The following ZFP36L1 variants were observed in gnomAD, a reference collection of about 807,000 sequenced individuals.
ZFP36L1 encodes the protein ZFP36 like 1 zinc finger CCCH-type.
In ZFP36L1, 4 loss-of-function variants were observed where a neutral mutation model predicts 16.7. The observed-to-expected ratio is 0.24, with a 90% confidence interval of 0.12 to 0.55. The LOEUF (loss-of-function observed/expected upper bound fraction) is 0.55. ZFP36L1 is among the 20% of genes least tolerant of loss of function. The probability of loss-of-function intolerance (pLI) is 0.94; values close to 1 mark genes in which losing one functional copy is unlikely to be tolerated. For missense variants in ZFP36L1, 311 were observed against 449.2 expected (o/e 0.69, Z 2.78); for synonymous variants, 220 against 190.8 (o/e 1.15, Z -1.26).
Position 68,789,706 on chromosome 14 carries a change from T to G in ZFP36L1, c.844A>C (p.Met282Leu), listed in dbSNP as rs529187831. The G allele has an allele frequency of 6.2e-7, 1 of 1,613,928 alleles. No homozygotes were observed. The highest frequency in any genetic ancestry group is 1.3e-5 in the African/African-American group (1 of 74,982). ...TCAAACATGTGAGGGGACTCGGACA[T>G]GGGCCGGAAGAGGAAGGTGGTCGGG... ...GSPTTFLFRP[M>L]SESPHMFDSP... Residue 282 changes from methionine (M) to leucine (L), a missense_variant, in exon 2 of 2, where the codon ATG becomes CTG. Coordinates refer to ENST00000439696, the MANE Select transcript of ZFP36L1 (RefSeq NM_004926.4). This position sits in a 1 kb window ranked among gnomAD's most constrained non-coding sequence, Gnocchi z 4.5.
intron 1 of ZFP36L1, chr14:68,791,133 C>T: frequency 1.4e-6 from 1 of 694,830 alleles, no homozygotes; most frequent in Non-Finnish European, 2.6e-6. Flanking sequence ...GAAAATAAAA[C>T]TCTTTGCCCT....
At chr14:68,796,228 G>A (rs1410219229), upstream of ZFP36L1, 7 of 1,366,796 alleles carry the variant, frequency 5.1e-6, no homozygotes, top group Admixed American at 3.8e-5. Context: ...TGGGATGTTC[G>A]GTTTTGTGCA....
Position 68,787,750 on chromosome 14 carries a change from G to GAA in ZFP36L1, c.*1781_*1782dup, listed in dbSNP as rs1304488062. 1.3e-5 allele frequency: 2 copies of GAA among 152,170 alleles called. No homozygotes were observed. Among genetic ancestry groups the GAA allele is most frequent in the Admixed American group, 1.3e-4 (2 of 15,240 alleles). The allele number at this position is 152,170 out of a possible 1,614,324, so 9.4% of individuals were successfully genotyped here. On this transcript the variant is annotated 3_prime_UTR_variant, in exon 2 of 2. Coordinates refer to ENST00000439696, the MANE Select transcript of ZFP36L1 (RefSeq NM_004926.4). ...TTTCTTTTAAATAAATTCACACAAA[G>GAA]AAAGAGAAATAGAAAGCGACGGTAG...
Position 68,790,398 on chromosome 14 carries a change from C to T in ZFP36L1, c.152G>A (p.Arg51Gln). 6.2e-7 allele frequency: 1 copy of T among 1,613,808 alleles called. No homozygotes were observed. Among genetic ancestry groups the T allele is most frequent in the Non-Finnish European group, 8.5e-7 (1 of 1,179,902 alleles). Reference protein sequence around the residue: ...VGTPAGGGFPRRHSVTLPSSK... With the variant: ...VGTPAGGGFPQRHSVTLPSSK... Reference sequence around the variant, plus strand: ...GCTGGGCAGGGTGACTGAGTGCCTCCGAGGGAAGCCCCCACCAGCAGGGGT... The same window carrying T: ...GCTGGGCAGGGTGACTGAGTGCCTCTGAGGGAAGCCCCCACCAGCAGGGGT... Residue 51 changes from arginine (R) to glutamine (Q), a missense_variant, in exon 2 of 2, where the codon CGG becomes CAG. This residue lies in a region of ZFP36L1 where 137 missense variants were observed against 142.6 expected (regional missense o/e 0.96). Coordinates refer to ENST00000439696, the MANE Select transcript of ZFP36L1 (RefSeq NM_004926.4).
At chr14:68,791,223 T>C (rs1389607871) in intron 1 of ZFP36L1, 1 of 570,490 alleles carries the variant, frequency 1.8e-6, no homozygotes, top group Non-Finnish European at 3.1e-6. Context: ...CCCCCTTCAC[T>C]GAGAAGATGC....
Position 68,793,027 on chromosome 14 carries a change from C to A in ZFP36L1, c.-89G>T, listed in dbSNP as rs767008247. 4.4e-6 allele frequency: 7 copies of A among 1,603,880 alleles called. No individual in the cohort carries two copies. The African/African-American group carries it at 5.3e-5, about 12-fold the overall frequency. On this transcript the variant is annotated 5_prime_UTR_variant, in exon 1 of 2. Coordinates refer to ENST00000439696, the MANE Select transcript of ZFP36L1 (RefSeq NM_004926.4). ...AGGCGCAGCCTCTCCTGTCTGGAGTCCCACACGCCAGTTCCCGGCGCCCCT... is the reference window on the plus strand; with the variant it reads ...AGGCGCAGCCTCTCCTGTCTGGAGTACCACACGCCAGTTCCCGGCGCCCCT...
At chr14:68,791,083 G>A in intron 1 of ZFP36L1, 1 of 701,674 alleles carries the variant, frequency 1.4e-6, no homozygotes, top group Non-Finnish European at 2.6e-6. Context: ...GGAGATTGGG[G>A]GCCTGGTCTG....
chr14:68,796,114 C>T (rs1041634250), upstream of ZFP36L1: 33 of 1,364,506 alleles, frequency 2.4e-5, no homozygotes, highest in Non-Finnish European at 3.2e-5. Context: ...TGGGCCGGCT[C>T]CTCTGTCCCA....
chr14:68,789,815 A>G lies in ZFP36L1; in HGVS notation c.735T>C (p.Asp245=), dbSNP rs1330666516. The G allele has an allele frequency of 6.2e-7, 1 of 1,612,838 alleles. No homozygotes were observed. Among genetic ancestry groups the G allele is most frequent in the Admixed American group, 1.7e-5 (1 of 60,032 alleles). The part of the protein sequence containing the change: ...DDLLGSPTLP[D]GTNNPFAFSS... The stretch of plus-strand genomic sequence containing the variant: ...AGAAGGCAAAAGGGTTATTGGTGCC[A>G]TCGGGCAGGGTAGGTGAGCCCAGGA... The change falls in exon 2 of 2, where the codon GAT becomes GAC. Residue 245 remains aspartate, a synonymous_variant. Transcript: ENST00000439696. This position sits in a 1 kb window ranked among gnomAD's most constrained non-coding sequence, Gnocchi z 4.5.
At position 68,789,454 on chromosome 14, in the gene ZFP36L1, A is replaced by G; in HGVS notation, c.*79T>C. The G allele has an allele frequency of 6.3e-7, 1 of 1,589,558 alleles. No homozygotes were observed. The highest frequency in any genetic ancestry group is 8.6e-7 in the Non-Finnish European group (1 of 1,166,372). ...TAATGTAGGGCCTGTGGGGAATGGG[A>G]TGGGTAGGGAGAAGAGGGTATGGGA... On this transcript the variant is annotated 3_prime_UTR_variant, in exon 2 of 2. Coordinates refer to ENST00000439696, the MANE Select transcript of ZFP36L1 (RefSeq NM_004926.4). This position sits in a 1 kb window ranked among gnomAD's most constrained non-coding sequence, Gnocchi z 4.5.
intron 1 of ZFP36L1, chr14:68,790,933 G>C: frequency 1.6e-6 from 1 of 618,208 alleles, no homozygotes. Context: ...GGCTACGTTA[G>C]GTCCCCTTCC....
At chr14:68,795,206 A>T (rs1225181191), upstream of ZFP36L1, among the ~76,000 whole-genome samples, 1 of 152,206 alleles carries the variant, frequency 6.6e-6, no homozygotes, top group Non-Finnish European at 1.5e-5. Context: ...TCCAGATTTC[A>T]GGACAGAGCA....
At position 68,792,933 on chromosome 14, in the gene ZFP36L1, G is replaced by C. The variant is rs1302832322; in HGVS notation, c.6C>G (p.Thr2=). The C allele has an allele frequency of 6.2e-7, 1 of 1,613,934 alleles. No homozygotes were observed. Among genetic ancestry groups the C allele is most frequent in the Non-Finnish European group, 8.5e-7 (1 of 1,179,980 alleles). ...AGATGGTGGCAGACACGAGGGTGGT[G>C]GTCATCCTGTGCGTTCGCGCGAGCC... M[T]TTLVSATIFD... is the part of the protein sequence containing the mutation. The change falls in exon 1 of 2, where the codon ACC becomes ACG. Residue 2 remains threonine, a synonymous_variant. Transcript: ENST00000439696.
At chr14:68,791,368 T>C (rs1483026418) in intron 1 of ZFP36L1, 6 of 455,496 alleles carry the variant, frequency 1.3e-5, no homozygotes, top group African/African-American at 2.0e-5. Flanking sequence ...CAATAGCGGA[T>C]TGGGGGTGGT....
At chr14:68,792,593 A>G (rs1327342904) in intron 1 of ZFP36L1, among the ~76,000 whole-genome samples, 4 of 152,102 alleles carry the variant, frequency 2.6e-5, no homozygotes, top group Non-Finnish European at 5.9e-5. Flanking sequence ...ACTTGTCCCA[A>G]TCCCAGCCCT....
rs931871345 is a variant in ZFP36L1 at position 68,790,425 on chromosome 14, C to T, written c.125G>A (p.Gly42Asp). 1.9e-6 allele frequency: 3 copies of T among 1,613,852 alleles called. No homozygotes were observed. The African/African-American group carries it at 4.0e-5, about 22-fold the overall frequency. The part of the protein sequence containing the change: ...GGCLLDRKAV[G>D]TPAGGGFPRR... Reference sequence around the variant, plus strand: ...AGGGAAGCCCCCACCAGCAGGGGTGCCCACTGCCTTTCTGTCCAGCAGGCA... The same window carrying T: ...AGGGAAGCCCCCACCAGCAGGGGTGTCCACTGCCTTTCTGTCCAGCAGGCA... The change falls in exon 2 of 2, where the codon GGC (glycine) becomes GAC (aspartate). Residue 42 changes from glycine (G) to aspartate (D), a missense_variant. Coordinates refer to ENST00000439696, the MANE Select transcript of ZFP36L1 (RefSeq NM_004926.4).
At chr14:68,793,703 GAGGACATTAGA>G, upstream of ZFP36L1, 1 of 985,556 alleles carries the variant, frequency 1.0e-6, no homozygotes, top group Non-Finnish European at 1.2e-6. Context: ...CGGGCAGGCC[GAGGACATTAGA>G]AATTTGGGAC....
At chr14:68,793,161 G>A, upstream of ZFP36L1, 1 of 1,183,398 alleles carries the variant, frequency 8.5e-7, no homozygotes. Flanking sequence ...GGAAGAGGAG[G>A]AAAAAGAAGT....
In ZFP36L1 at chr14:68,792,865, G is replaced by C; in HGVS notation, c.57+17C>G. The C allele has an allele frequency of 6.2e-7, 1 of 1,614,054 alleles. No homozygotes were observed. Among genetic ancestry groups the C allele is most frequent in the Non-Finnish European group, 8.5e-7 (1 of 1,179,950 alleles). ...GAAAAAGACTTTTTGAAAAGCAAAT[G>C]CTCCGCCCCCCTTTACCTTGCATAA... On this transcript the variant is annotated intron_variant, in intron 1 of 1. Coordinates refer to ENST00000439696, the MANE Select transcript of ZFP36L1 (RefSeq NM_004926.4).
Sources: allele counts gnomAD v4.1 joint callset (sites outside exome capture counted in the v4.1 genomes callset), GRCh38; gene constraint gnomAD v4.1.1; regional missense constraint gnomAD v4.1.1; non-coding constraint Gnocchi (gnomAD v3.1); transcripts MANE v1.5; gene names NCBI Gene and HGNC (gene_info 2026-07-23, HGNC 2026-07-21).